The following EPHA5 variants were observed in gnomAD, a reference collection of about 807,000 sequenced individuals.
EPHA5 encodes ephrin type-A receptor 5.
EPHA5 carries 60 observed loss-of-function variants against 105.0 expected under a neutral mutation model. The ratio of observed to expected loss-of-function variants is 0.57; its 90% CI spans 0.46 to 0.71. EPHA5 has a LOEUF of 0.71. Among genes scored for constraint, EPHA5 ranks in the 30% least tolerant of loss-of-function variants. The pLI is 0.00. For synonymous variants in EPHA5, 513 were observed against 449.1 expected, an observed-to-expected ratio of 1.14 and a Z score of -1.80; for missense variants, 1,218 against 1,274.7, an observed-to-expected ratio of 0.96 and a Z score of 0.68.
At chr4:65,591,597 T>C (rs1742662264) in intron 3 of EPHA5, among the ~76,000 whole-genome samples, 1 of 150,762 alleles carries the variant, frequency 6.6e-6, no homozygotes, top group South Asian at 2.1e-4. Flanking sequence ...ACATTAATTT[T>C]AATTTTATTT....
At chr4:65,497,794 T>C (rs929776254) in intron 3 of EPHA5, among the ~76,000 whole-genome samples, 1 of 152,028 alleles carries the variant, frequency 6.6e-6, no homozygotes, top group African/African-American at 2.4e-5. Context: ...TAAAATAATA[T>C]AAATCGAAGT....
At chr4:65,389,834 C>T (rs1339398081) in intron 8 of EPHA5, among the ~76,000 whole-genome samples, 1 of 151,938 alleles carries the variant, frequency 6.6e-6, no homozygotes, top group Non-Finnish European at 1.5e-5. Flanking sequence ...AGAGGAATTA[C>T]AAAGTTGGTC....
intron 2 of EPHA5, among the ~76,000 whole-genome samples, chr4:65,639,078 T>C (rs892334565): frequency 6.6e-6 from 1 of 152,346 alleles, no homozygotes; most frequent in Non-Finnish European, 1.5e-5. Context: ...AAACAAACTC[T>C]TGTAAAATTA....
intron 8 of EPHA5, among the ~76,000 whole-genome samples, chr4:65,397,298 T>C (rs1281061877): frequency 6.6e-6 from 1 of 152,138 alleles, no homozygotes; most frequent in Non-Finnish European, 1.5e-5. Flanking sequence ...TCCCCTCTCC[T>C]CTCTTAGCAA....
chr4:65,658,009 C>CTCT, intron 1 of EPHA5, among the ~76,000 whole-genome samples: 1 of 150,840 alleles, frequency 6.6e-6, no homozygotes, highest in Middle Eastern at 3.4e-3. Context: ...CAGAAGAGAG[C>CTCT]TTTTTTTTCT....
At chr4:65,458,216 G>A (rs569062787) in intron 5 of EPHA5, among the ~76,000 whole-genome samples, 1 of 151,818 alleles carries the variant, frequency 6.6e-6, no homozygotes, top group South Asian at 2.1e-4. Context: ...AAAAATGTGT[G>A]AAGCAAAATT....
intron 3 of EPHA5, 138 bp downstream of exon 3, chr4:65,601,503 G>T (rs1743719250): frequency 1.1e-6 from 1 of 911,204 alleles, no homozygotes. Flanking sequence ...TCTGAAAAGA[G>T]AAAAATAAAA....
chr4:65,339,668 T>C (rs1251191817), intron 14 of EPHA5, among the ~76,000 whole-genome samples: 1 of 152,070 alleles, frequency 6.6e-6, no homozygotes, highest in Non-Finnish European at 1.5e-5. Flanking sequence ...GTAAGATAAT[T>C]GCTTATTTGC....
At chr4:65,638,028 G>C (rs1747306807) in intron 2 of EPHA5, among the ~76,000 whole-genome samples, 1 of 152,016 alleles carries the variant, frequency 6.6e-6, no homozygotes, top group African/African-American at 2.4e-5. Flanking sequence ...TTAAATTCTT[G>C]CCAAATTCTT....
intron 8 of EPHA5, among the ~76,000 whole-genome samples, chr4:65,372,414 C>T (rs1041177872): frequency 2.6e-5 from 4 of 151,766 alleles, no homozygotes; most frequent in Non-Finnish European, 5.9e-5. Context: ...ATGAATAGTA[C>T]TAAAATGGGG....
At chr4:65,549,614 A>G (rs891692832) in intron 3 of EPHA5, among the ~76,000 whole-genome samples, 19 of 152,142 alleles carry the variant, frequency 1.2e-4, no homozygotes, top group Non-Finnish European at 2.4e-4. Flanking sequence ...GATGCATGCT[A>G]TAATTTGTAG....
chr4:65,461,735 A>T (rs1728141493), intron 5 of EPHA5, among the ~76,000 whole-genome samples: 1 of 152,036 alleles, frequency 6.6e-6, no homozygotes, highest in African/African-American at 2.4e-5. Flanking sequence ...GTACAGCAAA[A>T]CTTCATTAAC....
chr4:65,492,093 C>A (rs1324321529), intron 4 of EPHA5, among the ~76,000 whole-genome samples: 6 of 152,100 alleles, frequency 3.9e-5, no homozygotes, highest in Admixed American at 1.3e-4. Context: ...TTCTAAATAT[C>A]AAAATTGACA....
intron 16 of EPHA5, chr4:65,330,927 A>G (rs1431348867): frequency 2.9e-6 from 3 of 1,040,776 alleles, no homozygotes; most frequent in Admixed American, 5.6e-5. Flanking sequence ...GAGAATGCTG[A>G]GAATGTGACA....
chr4:65,526,450 T>C (rs138682231), intron 3 of EPHA5, among the ~76,000 whole-genome samples: 10 of 151,806 alleles, frequency 6.6e-5, no homozygotes, highest in African/African-American at 1.2e-4. Context: ...TTTAAATCTG[T>C]CTTTACAAAA....
intron 3 of EPHA5, among the ~76,000 whole-genome samples, chr4:65,528,101 C>T (rs1377321119): frequency 4.0e-5 from 6 of 151,898 alleles, no homozygotes; most frequent in African/African-American, 1.5e-4. Flanking sequence ...ACAATTTGAC[C>T]AGAAAATGTT....
At chr4:65,634,935 T>C (rs1746981806) in intron 2 of EPHA5, among the ~76,000 whole-genome samples, 1 of 152,014 alleles carries the variant, frequency 6.6e-6, no homozygotes, top group African/African-American at 2.4e-5. Context: ...CTCCTTATTC[T>C]TGCCTTTAAT....
intron 1 of EPHA5, among the ~76,000 whole-genome samples, chr4:65,647,893 C>T (rs768017654): frequency 3.0e-4 from 46 of 151,902 alleles, no homozygotes; most frequent in Non-Finnish European, 6.5e-4. Context: ...CTAAAGTTAA[C>T]GTATAGGGAA....
chr4:65,628,915 G>C (rs1332529772), intron 2 of EPHA5, among the ~76,000 whole-genome samples: 4 of 151,992 alleles, frequency 2.6e-5, no homozygotes, highest in African/African-American at 9.7e-5. Flanking sequence ...CAGCTGTCCT[G>C]TCCTGATATA....
Sources: gnomAD v4.1 joint callset for allele counts (sites outside exome capture counted in the v4.1 genomes callset) on GRCh38, gnomAD v4.1.1 for gene constraint, MANE v1.5 for transcripts, NCBI Gene and HGNC (gene_info 2026-07-23, HGNC 2026-07-21) for gene names.